INPP5D: variants seen among roughly 807,000 people sequenced by gnomAD.
INPP5D encodes phosphatidylinositol 3,4,5-trisphosphate 5-phosphatase 1.
In INPP5D, 33 loss-of-function variants were observed where a neutral mutation model predicts 122.9. That is an observed-to-expected ratio of 0.27 (90% CI 0.20 to 0.36). The LOEUF (loss-of-function observed/expected upper bound fraction) is 0.36. INPP5D is among the 10% of genes least tolerant of loss of function. INPP5D has a pLI of 1.00. For synonymous variants in INPP5D, 584 were observed against 576.2 expected, an observed-to-expected ratio of 1.01 and a Z score of -0.19; for missense variants, 1,053 against 1,412.7, an observed-to-expected ratio of 0.75 and a Z score of 4.08.
At chr2:233,110,348 C>A (rs932009036) in intron 2 of INPP5D, among the ~76,000 whole-genome samples, 9 of 151,902 alleles carry the variant, frequency 5.9e-5, no homozygotes, top group African/African-American at 2.2e-4. Context: ...AGCCACTGTG[C>A]CTGGCCTAAT....
At position 233,170,489 on chromosome 2, in the gene INPP5D, G is replaced by A. The variant is rs986592843; in HGVS notation, c.1792-7G>A. On this transcript the variant is annotated splice_region_variant and splice_polypyrimidine_tract_variant and intron_variant, in intron 15 of 26. Transcript: ENST00000445964. The surrounding 1 kb of genome is among the most constrained non-coding windows in gnomAD (Gnocchi z 4.5). ...TCACCAGAGGCCCGGGCATGTTCTTGTTCCAGGAGGCAGAAACCATCATCC... is the reference window on the plus strand; with the variant it reads ...TCACCAGAGGCCCGGGCATGTTCTTATTCCAGGAGGCAGAAACCATCATCC... 1.2e-6 allele frequency: 2 copies of A among 1,613,626 alleles called. No homozygotes were observed. The highest frequency in any genetic ancestry group is 2.2e-5 in the East Asian group (1 of 44,868).
intron 1 of INPP5D, among the ~76,000 whole-genome samples, chr2:233,061,221 A>AC (rs1252325193): frequency 2.4e-5 from 2 of 81,696 alleles, no homozygotes; most frequent in African/African-American, 4.7e-5. Flanking sequence ...ACCGCTGCCC[A>AC]CCCCCCACCC....
At chr2:233,118,188 G>A (rs1692858467) in intron 2 of INPP5D, among the ~76,000 whole-genome samples, 1 of 152,144 alleles carries the variant, frequency 6.6e-6, no homozygotes, top group African/African-American at 2.4e-5. Context: ...ACTGGGTGGG[G>A]ATTGTTAGGT....
intron 17 of INPP5D, chr2:233,171,381 C>CT (rs1246809806): frequency 2.0e-6 from 1 of 511,104 alleles, no homozygotes; most frequent in African/African-American, 2.0e-5. Flanking sequence ...TCCAGATACT[C>CT]TAAGATGCTG....
At chr2:233,158,279 G>A (rs370008105) in intron 9 of INPP5D, 34 bp from the exon 10 acceptor site, 2 of 692,816 alleles carry the variant, frequency 2.9e-6, no homozygotes. Flanking sequence ...TGAATGAGTG[G>A]ATGAATGAAT....
chr2:233,181,714 TG>T, intron 18 of INPP5D, among the ~76,000 whole-genome samples: 1 of 152,190 alleles, frequency 6.6e-6, no homozygotes, highest in East Asian at 1.9e-4. Context: ...TGAGGCATCG[TG>T]GGATGGAAAA....
rs1224285964 is a variant in INPP5D at position 233,082,110 on chromosome 2, C to G, written c.198+2712C>G. 2.0e-5 allele frequency among the ~76,000 whole-genome samples: 3 copies of G among 152,150 alleles called. No individual in the cohort carries two copies. The highest frequency in any genetic ancestry group is 7.2e-5 in the African/African-American group (3 of 41,430). On this transcript the variant is annotated intron_variant, in intron 2 of 26. Coordinates refer to ENST00000445964, the MANE Select transcript of INPP5D (RefSeq NM_001017915.3). The surrounding 1 kb of genome is among the most constrained non-coding windows in gnomAD (Gnocchi z 4.7). ...CCTGACCCCGGCACTAGATCTGTGA[C>G]CTCCGCAGTAGCTGACATGGTACAG... is the stretch of plus-strand genomic sequence containing the variant.
At position 233,117,902 on chromosome 2, in the gene INPP5D, C is replaced by T. The variant is rs547341559; in HGVS notation, c.199-4205C>T. 3.3e-5 allele frequency among the ~76,000 whole-genome samples: 5 copies of T among 152,296 alleles called. No homozygotes were observed. In the East Asian group the frequency reaches 9.7e-4, roughly 29 times the overall value. ...GCATGGAAGACCCTCCCTGACCATC[C>T]CTCCTCCTGGCTCCAACTCTTGTCT... On this transcript the variant is annotated intron_variant, in intron 2 of 26. Transcript: ENST00000445964.
At chr2:233,112,028 C>T (rs549157827) in intron 2 of INPP5D, among the ~76,000 whole-genome samples, 56 of 149,380 alleles carry the variant, frequency 3.7e-4, no homozygotes, top group South Asian at 3.0e-3. Flanking sequence ...CATGCCACTG[C>T]GCTCCAGCCT....
rs1305548303 is a variant in INPP5D, at chr2:233,065,561, CTTTTTCTTTCTTTCTTTCCT to C, written c.134+4951_134+4970del. On this transcript the variant is annotated intron_variant, in intron 1 of 26. Transcript: ENST00000445964. The stretch of plus-strand genomic sequence containing the variant: ...ACAGGCATGAACCACTGCACCCAGC[CTTTTTCTTTCTTTCTTTCCT>C]TCTTTCTTTCTTTCTTTCTTTCTTT... Among the ~76,000 whole-genome samples, 381 of 132,538 alleles carry C rather than the reference CTTTTTCTTTCTTTCTTTCCT, an allele frequency of 2.9e-3. 28 individuals carry two copies. Among genetic ancestry groups the C allele is most frequent in the Non-Finnish European group, 4.8e-3 (295 of 61,320 alleles). 87.0% of individuals were successfully genotyped at this position (132,538 alleles called of 152,430 possible).
intron 5 of INPP5D, among the ~76,000 whole-genome samples, chr2:233,132,224 G>A (rs10176895): frequency 0.039 from 5,872 of 152,320 alleles, 137 homozygotes; most frequent in African/African-American, 0.055. Context: ...TTCTGCTTCA[G>A]TGGAGATTCT....
intron 25 of INPP5D, among the ~76,000 whole-genome samples, chr2:233,201,996 C>T (rs1695353462): frequency 6.6e-6 from 1 of 151,610 alleles, no homozygotes; most frequent in South Asian, 2.1e-4. Context: ...GCCCGCCCCA[C>T]CAAGCTTCCC....
chr2:233,166,612 C>G (rs1004402414), intron 13 of INPP5D, among the ~76,000 whole-genome samples: 10 of 151,668 alleles, frequency 6.6e-5, no homozygotes, highest in African/African-American at 2.4e-4. Context: ...CCCTCCTTCC[C>G]CTCCTCTCTG....
At chr2:233,062,432 G>A (rs115180694) in intron 1 of INPP5D, among the ~76,000 whole-genome samples, 2,047 of 152,352 alleles carry the variant, frequency 0.013, 52 homozygotes, top group African/African-American at 0.045. Context: ...GAGGTAGACA[G>A]AGGGCAGAGA....
intron 2 of INPP5D, among the ~76,000 whole-genome samples, chr2:233,088,439 C>T (rs924088061): frequency 7.2e-5 from 11 of 152,198 alleles, no homozygotes; most frequent in African/African-American, 2.7e-4. Context: ...CCGAGATGTC[C>T]CGAGACAAGT....
At chr2:233,172,230 G>T (rs1303997325) in intron 17 of INPP5D, among the ~76,000 whole-genome samples, 1 of 152,206 alleles carries the variant, frequency 6.6e-6, no homozygotes, top group Non-Finnish European at 1.5e-5. Context: ...GCTGGTGAAG[G>T]ATGGTTTGCT....
rs1440195810 is a variant in INPP5D, at chr2:233,207,709, C to T, written c.*1001C>T. On this transcript the variant is annotated 3_prime_UTR_variant, in exon 27 of 27. Coordinates refer to ENST00000445964, the MANE Select transcript of INPP5D (RefSeq NM_001017915.3). This position sits in a 1 kb window ranked among gnomAD's most constrained non-coding sequence, Gnocchi z 4.6. ...ATAGTGCAGCCTTTTCTTCCTATCT[C>T]TGTGGCTTTCAGCTCTGCTTCCTTG... 2 of 152,362 alleles carry T rather than the reference C, an allele frequency of 1.3e-5. No homozygotes were observed. The highest frequency in any genetic ancestry group is 4.8e-5 in the African/African-American group (2 of 41,464). The allele number at this position is 152,362 out of a possible 1,614,324, so 9.4% of individuals were successfully genotyped here.
At chr2:233,134,202 G>T (rs1277697358) in intron 5 of INPP5D, 1 of 351,520 alleles carries the variant, frequency 2.8e-6, no homozygotes, top group South Asian at 2.1e-5. Context: ...GGCTACATTT[G>T]GCTTGAGGGG....
chr2:233,189,739 A>C lies in INPP5D; in HGVS notation c.2359-111A>C. The C allele has an allele frequency of 2.7e-6, 4 of 1,482,178 alleles. No homozygotes were observed. Among genetic ancestry groups the C allele is most frequent in the African/African-American group, 1.4e-5 (1 of 72,122 alleles). The allele number at this position is 1,482,178 out of a possible 1,614,324, so 91.8% of individuals were successfully genotyped here. On this transcript the variant is annotated intron_variant, in intron 21 of 26. Transcript: ENST00000445964. This position sits in a 1 kb window ranked among gnomAD's most constrained non-coding sequence, Gnocchi z 5.6. Reference sequence around the variant, plus strand: ...TCTTGGGTATGGACAGCAGAGATTTAGATCTGATTACTAAGAACACCTTTC... The same window carrying C: ...TCTTGGGTATGGACAGCAGAGATTTCGATCTGATTACTAAGAACACCTTTC...
Sources: allele counts gnomAD v4.1 joint callset (sites outside exome capture counted in the v4.1 genomes callset), GRCh38; gene constraint gnomAD v4.1.1; non-coding constraint Gnocchi (gnomAD v3.1); transcripts MANE v1.5; gene names NCBI Gene and HGNC (gene_info 2026-07-23, HGNC 2026-07-21).